PLEKHG1: variants seen among roughly 807,000 people sequenced by gnomAD.
PLEKHG1 encodes the protein pleckstrin homology and RhoGEF domain containing G1.
Under a neutral mutation model 100.8 loss-of-function variants are expected in PLEKHG1, and 44 were observed. The ratio of observed to expected loss-of-function variants is 0.44; its 90% CI spans 0.34 to 0.56. The LOEUF (loss-of-function observed/expected upper bound fraction) is 0.56. Among genes scored for constraint, PLEKHG1 ranks in the 20% least tolerant of loss-of-function variants. The pLI is 0.01. For synonymous variants in PLEKHG1, 640 were observed against 662.5 expected, an observed-to-expected ratio of 0.97 and a Z score of 0.52; for missense variants, 1,545 against 1,720.9, an observed-to-expected ratio of 0.90 and a Z score of 1.81.
intron 14 of PLEKHG1, among the ~76,000 whole-genome samples, chr6:150,829,891 A>G (rs1223435437): frequency 6.6e-6 from 1 of 152,176 alleles, no homozygotes; most frequent in Non-Finnish European, 1.5e-5. Flanking sequence ...TTCGTATACC[A>G]GAAACCACGA....
intron 3 of PLEKHG1, among the ~76,000 whole-genome samples, chr6:150,684,802 G>C (rs1304418657): frequency 2.6e-5 from 4 of 152,028 alleles, no homozygotes; most frequent in Middle Eastern, 3.4e-3. Flanking sequence ...GGTTTGGGAT[G>C]GGGGGAAATG....
At chr6:150,809,171 G>C (rs1409304077) in exon 8 of PLEKHG1, 1 of 1,613,520 alleles carries the variant, frequency 6.2e-7, no homozygotes, top group Non-Finnish European at 8.5e-7. Flanking sequence ...ACTGGTGCTT[G>C]AGGGAACCTT....
At chr6:150,642,103 A>G (rs1778294322) in intron 2 of PLEKHG1, among the ~76,000 whole-genome samples, 1 of 152,220 alleles carries the variant, frequency 6.6e-6, no homozygotes, top group Non-Finnish European at 1.5e-5. Flanking sequence ...AGTTTATTAA[A>G]TAAGTGGCAC....
Position 150,831,768 on chromosome 6 carries a change from G to A in PLEKHG1, c.2657G>A (p.Arg886His), listed in dbSNP as rs764750542. 4.6e-5 allele frequency: 74 copies of A among 1,613,536 alleles called. No homozygotes were observed. Among genetic ancestry groups the A allele is most frequent in the Non-Finnish European group, 5.8e-5 (69 of 1,179,990 alleles). ...CCTGAGCTGAGCCGGGACGTGGGGC[G>A]CTCTGTGTCCACGCTGTCCCTGCCT... The change falls in exon 15 of 16, where the codon CGC (arginine) becomes CAC (histidine). Residue 886 changes from arginine to histidine, a missense_variant. Coordinates refer to ENST00000358517, the Ensembl canonical transcript of PLEKHG1. The surrounding 1 kb of genome is among the most constrained non-coding windows in gnomAD (Gnocchi z 4.1).
chr6:150,639,237 A>G (rs1220466548), intron 2 of PLEKHG1, among the ~76,000 whole-genome samples: 1 of 152,226 alleles, frequency 6.6e-6, no homozygotes, highest in Non-Finnish European at 1.5e-5. Flanking sequence ...AGAATAGAGG[A>G]TGGGTATGTT....
chr6:150,729,489 T>TC (rs1326809001), intron 1 of PLEKHG1, among the ~76,000 whole-genome samples: 2 of 152,222 alleles, frequency 1.3e-5, no homozygotes, highest in African/African-American at 4.8e-5. Context: ...GTGGAAATCT[T>TC]AAATTATTTT....
At chr6:150,671,283 A>G (rs1378914447) in intron 3 of PLEKHG1, among the ~76,000 whole-genome samples, 1 of 152,120 alleles carries the variant, frequency 6.6e-6, no homozygotes, top group Non-Finnish European at 1.5e-5. Flanking sequence ...CACATGGTAG[A>G]TCTACTTTTA....
chr6:150,798,881 C>T (rs1786523793), intron 5 of PLEKHG1, among the ~76,000 whole-genome samples: 1 of 152,144 alleles, frequency 6.6e-6, no homozygotes, highest in East Asian at 1.9e-4. Context: ...GCTGGGATTA[C>T]CGGCACATGC....
upstream of PLEKHG1, among the ~76,000 whole-genome samples, chr6:150,720,181 G>T (rs138565927): frequency 5.9e-5 from 9 of 152,290 alleles, no homozygotes; most frequent in East Asian, 1.7e-3. Context: ...AGTGGTATCA[G>T]TTTTCAATAG....
At chr6:150,712,576 T>C (rs1018687038) in intron 3 of PLEKHG1, among the ~76,000 whole-genome samples, 10 of 152,226 alleles carry the variant, frequency 6.6e-5, no homozygotes, top group African/African-American at 2.4e-4. Context: ...ATAAGTTTGG[T>C]TACACTTGTT....
In PLEKHG1 at chr6:150,683,762, G is replaced by A. The variant is rs1157210583; in HGVS notation, c.-99+32976G>A. ...CAGGGCATAGGACGTCTGAAGGAAA[G>A]ATGGAGCCATTCTTGGTGGGGCGGA... On this transcript the variant is annotated intron_variant, in intron 3 of 3. Transcript: ENST00000367326. The surrounding 1 kb of genome is among the most constrained non-coding windows in gnomAD (Gnocchi z 4.0). 2.3e-6 allele frequency: 3 copies of A among 1,286,180 alleles called. No homozygotes were observed. In the East Asian group the frequency reaches 1.7e-4, roughly 71 times the overall value. The allele number at this position is 1,286,180 out of a possible 1,614,324, so 79.7% of individuals were successfully genotyped here. A position where few individuals can be genotyped will look rare whatever the true frequency, so the allele number is the denominator to read the frequency against.
At chr6:150,617,336 T>G (rs1184343299) in intron 1 of PLEKHG1, among the ~76,000 whole-genome samples, 1 of 152,222 alleles carries the variant, frequency 6.6e-6, no homozygotes, top group Non-Finnish European at 1.5e-5. Context: ...AAGACAGCGC[T>G]TTTATCCTCC....
In PLEKHG1 at chr6:150,733,862, C is replaced by A. The variant is rs757116968; in HGVS notation, c.181C>A (p.Pro61Thr). 8.0e-5 allele frequency: 129 copies of A among 1,614,078 alleles called. No homozygotes were observed. The highest frequency in any genetic ancestry group is 1.0e-4 in the Non-Finnish European group (121 of 1,180,058). ...AAAACTGGAGCTGATTCCTGCCAGG[C>A]CGTTTTCCAGCAGCGAGCTGCAGAG... The change falls in exon 2 of 16, where the codon CCG (proline) becomes ACG (threonine). Residue 61 changes from proline (P) to threonine (T), a missense_variant. Transcript: ENST00000358517.
At chr6:150,676,547 T>C (rs1372631922) in intron 3 of PLEKHG1, among the ~76,000 whole-genome samples, 1 of 152,198 alleles carries the variant, frequency 6.6e-6, no homozygotes, top group Non-Finnish European at 1.5e-5. Context: ...TTGAACCTGC[T>C]GTAGCTCTTC....
chr6:150,828,617 CAAA>C (rs546053449), intron 14 of PLEKHG1, among the ~76,000 whole-genome samples: 1 of 134,880 alleles, frequency 7.4e-6, no homozygotes. Flanking sequence ...ATTTGTATGG[CAAA>C]AAAAAAAAAG....
chr6:150,719,575 C>T (rs180973464), upstream of PLEKHG1, among the ~76,000 whole-genome samples: 38 of 152,306 alleles, frequency 2.5e-4, no homozygotes, highest in African/African-American at 8.9e-4. Flanking sequence ...GTGTAATAAA[C>T]AGCTGTTAAA....
At chr6:150,604,380 G>T (rs1394682718) in intron 1 of PLEKHG1, among the ~76,000 whole-genome samples, 1 of 152,132 alleles carries the variant, frequency 6.6e-6, no homozygotes, top group African/African-American at 2.4e-5. Context: ...TAAAAATCCA[G>T]GTAGCATTTT....
chr6:150,610,011 G>T (rs944382726), intron 1 of PLEKHG1, among the ~76,000 whole-genome samples: 14 of 152,196 alleles, frequency 9.2e-5, no homozygotes, highest in Admixed American at 2.6e-4. Flanking sequence ...GCGATGCTGG[G>T]TGAACTCCCC....
intron 3 of PLEKHG1, among the ~76,000 whole-genome samples, chr6:150,697,441 G>A (rs1393425094): frequency 1.3e-5 from 2 of 152,184 alleles, no homozygotes; most frequent in Admixed American, 6.5e-5. Flanking sequence ...TTAAAGAAGC[G>A]AACCCTGAGT....
Sources: gnomAD v4.1 joint callset for allele counts (sites outside exome capture counted in the v4.1 genomes callset) on GRCh38, gnomAD v4.1.1 for gene constraint, Gnocchi (gnomAD v3.1) non-coding constraint, MANE v1.5 for transcripts, NCBI Gene and HGNC (gene_info 2026-07-23, HGNC 2026-07-21) for gene names.